PREX2: variants seen among roughly 807,000 people sequenced by gnomAD.
The protein encoded by PREX2 is phosphatidylinositol 3,4,5-trisphosphate-dependent Rac exchanger 2 protein.
Under a neutral mutation model 203.2 loss-of-function variants are expected in PREX2, and 107 were observed. That is an observed-to-expected ratio of 0.53 (90% confidence interval 0.45 to 0.62). The LOEUF (loss-of-function observed/expected upper bound fraction) is 0.62, where lower values mean the gene tolerates loss of function less well. PREX2 is among the 20% of genes least tolerant of loss of function. The pLI, the probability that PREX2 is intolerant of heterozygous loss-of-function variation, is 0.00. For missense variants in PREX2, 1,777 were observed against 1,955.9 expected (o/e 0.91, Z 1.72); for synonymous variants, 672 against 663.6 (o/e 1.01, Z -0.19).
intron 33 of PREX2, among the ~76,000 whole-genome samples, chr8:68,142,777 T>G (rs879786184): frequency 4.6e-5 from 7 of 152,176 alleles, no homozygotes; most frequent in Non-Finnish European, 1.0e-4. Flanking sequence ...ATTTAACCAC[T>G]TTAGTGATAA....
At chr8:68,045,180 A>C (rs1808314210) in intron 8 of PREX2, among the ~76,000 whole-genome samples, 1 of 152,148 alleles carries the variant, frequency 6.6e-6, no homozygotes, top group Non-Finnish European at 1.5e-5. Context: ...AATCATGATT[A>C]GTCACAAACA....
chr8:68,231,429 GACAA>G lies in PREX2; in HGVS notation c.*54_*57del. The G allele has an allele frequency of 7.0e-7, 1 of 1,434,734 alleles. No homozygotes were observed. The highest frequency in any genetic ancestry group is 9.5e-7 in the Non-Finnish European group (1 of 1,051,934). 88.9% of individuals were successfully genotyped at this position (1,434,734 alleles called of 1,614,324 possible). A position where few individuals can be genotyped will look rare whatever the true frequency, so the allele number is the denominator to read the frequency against. On this transcript the variant is annotated 3_prime_UTR_variant, in exon 40 of 40. Coordinates refer to ENST00000288368, the MANE Select transcript of PREX2 (RefSeq NM_024870.4). ...GCAGAAGCTCCTGAATGCTGGACTA[GACAA>G]ACTACATGCTGGCTAAACATTCTCC...
At chr8:68,044,703 C>A in intron 8 of PREX2, 113 bp downstream of exon 8, 1 of 745,000 alleles carries the variant, frequency 1.3e-6, no homozygotes. Context: ...CTTAGAAATA[C>A]TTTGTTAGGT....
intron 31 of PREX2, among the ~76,000 whole-genome samples, 199 bp downstream of exon 31, chr8:68,127,618 A>G (rs1415818239): frequency 1.3e-5 from 2 of 151,438 alleles, no homozygotes; most frequent in Non-Finnish European, 2.9e-5. Context: ...ATATACATAT[A>G]TATATATACA....
At chr8:68,130,114 C>CCAAA (rs534470873) in intron 31 of PREX2, among the ~76,000 whole-genome samples, 1 of 102,668 alleles carries the variant, frequency 9.7e-6, no homozygotes, top group East Asian at 2.8e-4. Flanking sequence ...CCTGCCTCTG[C>CCAAA]AAAAAAAAAA....
intron 1 of PREX2, among the ~76,000 whole-genome samples, chr8:67,984,060 G>A (rs373718033): frequency 2.6e-5 from 4 of 152,028 alleles, no homozygotes; most frequent in South Asian, 4.1e-4. Flanking sequence ...AGTGTTCCCC[G>A]CATTTCCTCC....
chr8:68,134,717 CTG>C (rs796122361), intron 32 of PREX2, among the ~76,000 whole-genome samples: 3 of 152,314 alleles, frequency 2.0e-5, no homozygotes, highest in African/African-American at 7.2e-5. Flanking sequence ...GCCTGACAAT[CTG>C]TTTAAAATTT....
At chr8:68,221,423 T>A (rs1448389541) in intron 38 of PREX2, among the ~76,000 whole-genome samples, 6 of 152,320 alleles carry the variant, frequency 3.9e-5, no homozygotes, top group African/African-American at 1.4e-4. Context: ...GTTTCCTCAG[T>A]ATTAAAACAA....
chr8:68,148,012 C>T (rs1811361820), intron 34 of PREX2, among the ~76,000 whole-genome samples: 1 of 151,980 alleles, frequency 6.6e-6, no homozygotes, highest in Non-Finnish European at 1.5e-5. Flanking sequence ...TTTGGGAGGC[C>T]GAGGCAGGTG....
At chr8:68,198,710 G>C (rs995123467) in intron 37 of PREX2, among the ~76,000 whole-genome samples, 1 of 152,212 alleles carries the variant, frequency 6.6e-6, no homozygotes, top group Non-Finnish European at 1.5e-5. Flanking sequence ...AGGAACAAGT[G>C]AGTAGAAATT....
rs1416216703 is a variant in PREX2 at position 68,022,131 on chromosome 8, A to C, written c.432A>C (p.Thr144=). 6.6e-7 allele frequency: 1 copy of C among 1,508,250 alleles called. No individual in the cohort carries two copies. Among genetic ancestry groups the C allele is most frequent in the South Asian group, 1.1e-5 (1 of 88,890 alleles). The allele number at this position is 1,508,250 out of a possible 1,614,324, so 93.4% of individuals were successfully genotyped here. The change falls in exon 4 of 40, where the codon ACA becomes ACC. Residue 144 remains threonine, a synonymous_variant. Coordinates refer to ENST00000288368, the MANE Select transcript of PREX2 (RefSeq NM_024870.4). ...LELNKIRTIR[T]FLLNCMLLGG... is the part of the protein sequence containing the mutation. Reference sequence around the variant, plus strand: ...TCAACAAAATAAGAACAATCCGGACATTTCTTTTGGTAAGTGTATATTTAT... The same window carrying C: ...TCAACAAAATAAGAACAATCCGGACCTTTCTTTTGGTAAGTGTATATTTAT...
chr8:68,234,643 A>T lies in PREX2; in HGVS notation c.*3265A>T, dbSNP rs1279812493. The T allele has an allele frequency of 6.6e-6, 1 of 152,084 alleles. No individual in the cohort carries two copies. The highest frequency in any genetic ancestry group is 1.5e-5 in the Non-Finnish European group (1 of 68,000). The allele number at this position is 152,084 out of a possible 1,614,324, so 9.4% of individuals were successfully genotyped here. A position where few individuals can be genotyped will look rare whatever the true frequency, so the allele number is the denominator to read the frequency against. On this transcript the variant is annotated 3_prime_UTR_variant, in exon 40 of 40. Coordinates refer to ENST00000288368, the MANE Select transcript of PREX2 (RefSeq NM_024870.4). Reference sequence around the variant, plus strand: ...TCTGTGCTAGTTTTACTTATATTGGATATATAATATTGAATTTATAGTATA... The same window carrying T: ...TCTGTGCTAGTTTTACTTATATTGGTTATATAATATTGAATTTATAGTATA...
intron 25 of PREX2, chr8:68,114,383 T>G (rs1466854042): frequency 1.1e-5 from 5 of 474,702 alleles, no homozygotes; most frequent in Non-Finnish European, 2.1e-5. Flanking sequence ...TGCTACTGAT[T>G]GGAACTGAAA....
intron 37 of PREX2, among the ~76,000 whole-genome samples, chr8:68,201,356 A>AGAT (rs2129614894): frequency 6.6e-6 from 1 of 152,234 alleles, no homozygotes; most frequent in East Asian, 1.9e-4. Context: ...CTAATAGGGT[A>AGAT]GATGTATATA....
intron 35 of PREX2, among the ~76,000 whole-genome samples, chr8:68,185,322 T>TTC (rs371597088): frequency 1.3e-5 from 2 of 151,594 alleles, no homozygotes; most frequent in African/African-American, 2.4e-5. Flanking sequence ...TTAGCCAGCC[T>TTC]TCTCTCTCTC....
chr8:67,979,250 G>A (rs1454104054), intron 1 of PREX2, among the ~76,000 whole-genome samples: 1 of 152,046 alleles, frequency 6.6e-6, no homozygotes, highest in Non-Finnish European at 1.5e-5. Context: ...AGCATCTTAG[G>A]GCACTATTCT....
chr8:68,191,875 A>C, intron 36 of PREX2, 87 bp downstream of exon 36: 1 of 892,836 alleles, frequency 1.1e-6, no homozygotes, highest in Non-Finnish European at 1.8e-6. Context: ...CAGAAAAATT[A>C]ATCTAAGTAG....
At chr8:67,977,297 C>G (rs1231566106) in intron 1 of PREX2, among the ~76,000 whole-genome samples, 1 of 152,214 alleles carries the variant, frequency 6.6e-6, no homozygotes, top group Non-Finnish European at 1.5e-5. Context: ...TTTCAGCTTG[C>G]ATAACCGTGA....
rs186547034 is a variant in PREX2 at position 68,164,256 on chromosome 8, C to A, written c.4346+6820C>A. ...AAGAAAGAAAGTAAGCAGAGGGAAC[C>A]AGCAGATAATTAATGAAGGATTTCC... On this transcript the variant is annotated intron_variant, in intron 35 of 39. Transcript: ENST00000288368. 7.9e-4 allele frequency among the ~76,000 whole-genome samples: 120 copies of A among 151,934 alleles called. 1 individual carries two copies. The highest frequency in any genetic ancestry group is 2.6e-3 in the African/African-American group (109 of 41,438).
Sources: allele counts gnomAD v4.1 joint callset (sites outside exome capture counted in the v4.1 genomes callset), GRCh38; gene constraint gnomAD v4.1.1; transcripts MANE v1.5; gene names NCBI Gene and HGNC (gene_info 2026-07-23, HGNC 2026-07-21).